ARPP21: variants seen among roughly 807,000 people sequenced by gnomAD.
The protein encoded by ARPP21 is cAMP-regulated phosphoprotein 21.
A neutral mutation model predicts 113.2 loss-of-function variants in ARPP21; 69 were observed. The ratio of observed to expected loss-of-function variants is 0.61; its 90% CI spans 0.50 to 0.74. The LOEUF (loss-of-function observed/expected upper bound fraction) is 0.74, where lower values mean the gene tolerates loss of function less well. ARPP21 is among the 30% of genes least tolerant of loss of function. The probability of loss-of-function intolerance (pLI) is 0.00; values close to 1 mark genes in which losing one functional copy is unlikely to be tolerated. For missense variants in ARPP21, 1,070 were observed against 1,037.4 expected (o/e 1.03, Z -0.43); for synonymous variants, 368 against 375.5 (o/e 0.98, Z 0.23).
chr3:35,762,173 C>G (rs938296342), intron 19 of ARPP21, among the ~76,000 whole-genome samples: 1 of 148,026 alleles, frequency 6.8e-6, no homozygotes, highest in South Asian at 2.1e-4. Flanking sequence ...GAATACATAT[C>G]ATTATTCTTA....
chr3:35,670,842 C>G (rs2076167023), intron 1 of ARPP21, among the ~76,000 whole-genome samples: 1 of 152,118 alleles, frequency 6.6e-6, no homozygotes, highest in Non-Finnish European at 1.5e-5. Flanking sequence ...ATCGATAGTG[C>G]TCCTGCTCTG....
chr3:35,656,052 CA>C (rs1231043652), intron 1 of ARPP21, among the ~76,000 whole-genome samples: 1 of 151,978 alleles, frequency 6.6e-6, no homozygotes, highest in Non-Finnish European at 1.5e-5. Flanking sequence ...AATTTCAAAA[CA>C]AACTAATCTT....
At chr3:35,743,089 A>G (rs13094224) in intron 18 of ARPP21, among the ~76,000 whole-genome samples, 42,606 of 152,054 alleles carry the variant, frequency 0.28, 6,031 homozygotes, top group South Asian at 0.34. Context: ...ACTTTTTTGA[A>G]TAGTGGTGTG....
chr3:35,690,856 A>T lies in ARPP21; in HGVS notation c.546-9A>T. The stretch of plus-strand genomic sequence containing the variant: ...TGCTGATTCCACTTTTTCTTGAATT[A>T]TGTTCTAGTAATCATTATAAAAAGT... On this transcript the variant is annotated splice_polypyrimidine_tract_variant and intron_variant, in intron 8 of 20. Transcript: ENST00000684406. 1 of 1,590,402 alleles carries T rather than the reference A, an allele frequency of 6.3e-7. No individual in the cohort carries two copies. Among genetic ancestry groups the T allele is most frequent in the Non-Finnish European group, 8.5e-7 (1 of 1,170,242 alleles).
At chr3:35,790,371 A>G (rs1435338989) in intron 19 of ARPP21, among the ~76,000 whole-genome samples, 1 of 152,234 alleles carries the variant, frequency 6.6e-6, no homozygotes, top group Non-Finnish European at 1.5e-5. Context: ...ATAATAATTC[A>G]TGCTACAAAG....
intron 14 of ARPP21, among the ~76,000 whole-genome samples, chr3:35,724,013 G>A (rs577613324): frequency 5.9e-5 from 9 of 152,312 alleles, no homozygotes; most frequent in African/African-American, 2.2e-4. Context: ...GTTCACAGTG[G>A]AATTGCAAAC....
At position 35,761,682 on chromosome 3, in the gene ARPP21, GA is replaced by G. The variant is rs532595496; in HGVS notation, c.2137+17721del. Among the ~76,000 whole-genome samples, 40 of 152,256 alleles carry G rather than the reference GA, an allele frequency of 2.6e-4. No individual in the cohort carries two copies. The East Asian group carries it at 7.3e-3, about 28-fold the overall frequency. Reference sequence around the variant, plus strand: ...GTGAGATTCTTGATTATTCAATGGTGAAAAGTGGAAGCTAAGATAAGATGGA... The same window carrying G: ...GTGAGATTCTTGATTATTCAATGGTGAAAGTGGAAGCTAAGATAAGATGGA... On this transcript the variant is annotated intron_variant, in intron 19 of 20. Coordinates refer to ENST00000684406, the MANE Select transcript of ARPP21 (RefSeq NM_001385562.1).
At chr3:35,725,240 G>A (rs2093434989) in intron 14 of ARPP21, among the ~76,000 whole-genome samples, 1 of 152,180 alleles carries the variant, frequency 6.6e-6, no homozygotes, top group African/African-American at 2.4e-5. Context: ...TATTTTTCAT[G>A]ATGATTAGAT....
rs186718743 is a variant in ARPP21, at chr3:35,786,663, G to A, written c.2138-5719G>A. On this transcript the variant is annotated intron_variant, in intron 19 of 20. Transcript: ENST00000684406. ...CAAACCAAGTGGTTTGTCAAACCACGTTTACATTGTCATTCCTTGGATTTA... is the reference window on the plus strand; with the variant it reads ...CAAACCAAGTGGTTTGTCAAACCACATTTACATTGTCATTCCTTGGATTTA... Among the ~76,000 whole-genome samples the A allele has an allele frequency of 2.3e-3, 350 of 152,122 alleles. 1 individual carries two copies. Among genetic ancestry groups the A allele is most frequent in the African/African-American group, 7.7e-3 (320 of 41,490 alleles).
intron 19 of ARPP21, among the ~76,000 whole-genome samples, chr3:35,749,947 T>C (rs2095339854): frequency 6.6e-6 from 1 of 152,052 alleles, no homozygotes; most frequent in Admixed American, 6.6e-5. Flanking sequence ...CTTCTCTCTT[T>C]TTATTTTTGT....
chr3:35,755,872 G>T lies in ARPP21; in HGVS notation c.2137+11907G>T, dbSNP rs141829181. On this transcript the variant is annotated intron_variant, in intron 19 of 20. Transcript: ENST00000684406. ...TCATTTCCAAGAACTACACATTTGGGTAAAAACTTTAGTGGTATTCCAATT... is the reference window on the plus strand; with the variant it reads ...TCATTTCCAAGAACTACACATTTGGTTAAAAACTTTAGTGGTATTCCAATT... Among the ~76,000 whole-genome samples the T allele has an allele frequency of 3.1e-3, 466 of 152,194 alleles. 2 individuals are homozygous for T. The highest frequency in any genetic ancestry group is 9.9e-3 in the African/African-American group (410 of 41,552).
intron 9 of ARPP21, among the ~76,000 whole-genome samples, chr3:35,691,449 A>C (rs898414714): frequency 6.6e-6 from 1 of 151,620 alleles, no homozygotes; most frequent in Admixed American, 6.6e-5. Flanking sequence ...AAAAGCTCCG[A>C]ACCTAGAGGC....
chr3:35,712,948 A>G (rs1178794545), intron 11 of ARPP21, among the ~76,000 whole-genome samples: 1 of 152,130 alleles, frequency 6.6e-6, no homozygotes, highest in East Asian at 1.9e-4. Context: ...CTAATTTCTG[A>G]AGGATATTTG....
At chr3:35,666,130 T>A (rs1209548945) in intron 1 of ARPP21, among the ~76,000 whole-genome samples, 1 of 152,116 alleles carries the variant, frequency 6.6e-6, no homozygotes, top group Non-Finnish European at 1.5e-5. Flanking sequence ...ATACTGAGAA[T>A]GATACAAATG....
intron 19 of ARPP21, among the ~76,000 whole-genome samples, chr3:35,762,120 TCTCTCTCA>T (rs1480585097): frequency 1.5e-4 from 22 of 145,058 alleles, no homozygotes; most frequent in South Asian, 4.3e-4. Context: ...TCTCTCTCTC[TCTCTCTCA>T]CACACACACA....
intron 1 of ARPP21, chr3:35,651,878 GT>G (rs1359652426): frequency 6.6e-6 from 1 of 152,002 alleles, no homozygotes; most frequent in African/African-American, 2.4e-5. Context: ...TGGATATTTT[GT>G]TCAGGCATAA....
chr3:35,743,376 A>G (rs1469739592), intron 18 of ARPP21, among the ~76,000 whole-genome samples: 1 of 152,194 alleles, frequency 6.6e-6, no homozygotes, highest in Non-Finnish European at 1.5e-5. Context: ...TTTATCACAG[A>G]TGGCTCATCT....
At chr3:35,710,086 T>A (rs1029312552) in intron 11 of ARPP21, among the ~76,000 whole-genome samples, 2 of 152,180 alleles carry the variant, frequency 1.3e-5, no homozygotes, top group African/African-American at 4.8e-5. Flanking sequence ...CCTCCAGCAC[T>A]GCACTTCTTT....
At chr3:35,685,055 A>G in intron 5 of ARPP21, 3 of 985,152 alleles carry the variant, frequency 3.0e-6, no homozygotes, top group Non-Finnish European at 3.6e-6. Flanking sequence ...CACACAATAT[A>G]TGTTAACTCT....
Sources: gnomAD v4.1 joint callset for allele counts (sites outside exome capture counted in the v4.1 genomes callset) on GRCh38, gnomAD v4.1.1 for gene constraint, MANE v1.5 for transcripts, NCBI Gene and HGNC (gene_info 2026-07-23, HGNC 2026-07-21) for gene names.